Variants in BLTP1 observed in about 807,000 individuals in gnomAD.
BLTP1 encodes the protein bridge-like lipid transfer protein family member 1.
At chr4:122,212,372 T>C in the BLTP1 span, among the ~76,000 whole-genome samples, 1 of 152,188 alleles carries the variant, frequency 6.6e-6, no homozygotes, top group Non-Finnish European at 1.5e-5. Flanking sequence ...ATGTCAAATA[T>C]GTCTCCCAAT....
chr4:122,302,420 T>G, the BLTP1 span, among the ~76,000 whole-genome samples: 1 of 152,234 alleles, frequency 6.6e-6, no homozygotes, highest in South Asian at 2.1e-4. Context: ...ATTTTACTAA[T>G]TCTCACAATA....
chr4:122,163,854 G>A, the BLTP1 span, among the ~76,000 whole-genome samples: 5 of 152,256 alleles, frequency 3.3e-5, no homozygotes, highest in South Asian at 2.1e-4. Flanking sequence ...GTCTGAAGCA[G>A]CATCTTTTGA....
the BLTP1 span, among the ~76,000 whole-genome samples, chr4:122,161,750 A>T: frequency 6.6e-6 from 1 of 152,196 alleles, no homozygotes; most frequent in Non-Finnish European, 1.5e-5. Flanking sequence ...CTTAAGGGTA[A>T]AAAAGATCAT....
chr4:122,239,616 T>C, the BLTP1 span: 1 of 1,614,106 alleles, frequency 6.2e-7, no homozygotes. Context: ...ACGACAAGCC[T>C]CTGTCTGTTC....
At chr4:122,249,466 T>C in the BLTP1 span, 632 of 1,607,086 alleles carry the variant, frequency 3.9e-4, no homozygotes, top group Admixed American at 5.2e-4. Flanking sequence ...ATGGTCATTT[T>C]GCTCTCTTTT....
chr4:122,157,039 A>G, the BLTP1 span, among the ~76,000 whole-genome samples: 1 of 151,630 alleles, frequency 6.6e-6, no homozygotes, highest in African/African-American at 2.4e-5. Flanking sequence ...GGCATTGCTG[A>G]CTCCTGATCT....
chr4:122,356,927 A>G, the BLTP1 span: 1 of 985,048 alleles, frequency 1.0e-6, no homozygotes, highest in Non-Finnish European at 1.2e-6. Context: ...TACTTGCTAT[A>G]TATACAGCAC....
At chr4:122,187,577 A>G in the BLTP1 span, 1 of 1,478,286 alleles carries the variant, frequency 6.8e-7, no homozygotes, top group Non-Finnish European at 9.1e-7. Context: ...AATTTTTGCA[A>G]ATATGATTTT....
the BLTP1 span, chr4:122,316,891 A>T: frequency 4.2e-6 from 6 of 1,424,242 alleles, no homozygotes; most frequent in Non-Finnish European, 5.8e-6. Context: ...AATTTAATAT[A>T]ATGTTCCCTA....
the BLTP1 span, chr4:122,179,776 A>G: frequency 1.8e-5 from 16 of 886,528 alleles, no homozygotes; most frequent in Non-Finnish European, 2.0e-5. Flanking sequence ...ACATGCACAC[A>G]CACTCACACA....
At chr4:122,189,111 G>C in the BLTP1 span, 4 of 948,622 alleles carry the variant, frequency 4.2e-6, 1 homozygote, top group South Asian at 1.9e-4. Context: ...TAGAGAGTAA[G>C]ATGAAAAAGT....
the BLTP1 span, among the ~76,000 whole-genome samples, chr4:122,296,790 A>G: frequency 5.3e-5 from 8 of 152,218 alleles, no homozygotes; most frequent in African/African-American, 1.9e-4. Context: ...GATCTTTGAC[A>G]AACTTGACAA....
chr4:122,231,982 G>C, the BLTP1 span: 2 of 850,166 alleles, frequency 2.4e-6, no homozygotes, highest in African/African-American at 3.7e-5. Flanking sequence ...GGATTTCTTT[G>C]TTATATGTTG....
the BLTP1 span, chr4:122,230,040 A>C: frequency 6.2e-7 from 1 of 1,614,124 alleles, no homozygotes; most frequent in Non-Finnish European, 8.5e-7. Flanking sequence ...GAGCAATTAA[A>C]TAATTGCAGA....
chr4:122,183,437 A>G, the BLTP1 span: 3 of 983,768 alleles, frequency 3.0e-6, no homozygotes, highest in South Asian at 4.7e-5. Flanking sequence ...TAAAGTGGTC[A>G]GTGTCATTAG....
At chr4:122,235,382 C>T in the BLTP1 span, 1 of 983,974 alleles carries the variant, frequency 1.0e-6, no homozygotes, top group South Asian at 4.7e-5. Flanking sequence ...CACCAGCTTG[C>T]TTTTATAGGA....
chr4:122,334,506 A>G, the BLTP1 span: 1 of 1,612,748 alleles, frequency 6.2e-7, no homozygotes, highest in Non-Finnish European at 8.5e-7. Context: ...GAGCAAGACT[A>G]ACACCTTACT....
chr4:122,341,986 G>A, the BLTP1 span, among the ~76,000 whole-genome samples: 4 of 152,214 alleles, frequency 2.6e-5, no homozygotes, highest in African/African-American at 9.6e-5. Context: ...CCATTGTTAA[G>A]TGTGGAGACT....
At chr4:122,210,538 G>A in the BLTP1 span, among the ~76,000 whole-genome samples, 1 of 152,026 alleles carries the variant, frequency 6.6e-6, no homozygotes, top group Non-Finnish European at 1.5e-5. Context: ...CTATTTATAT[G>A]AAAAAATTTT....
Sources: gnomAD v4.1 joint callset for allele counts (sites outside exome capture counted in the v4.1 genomes callset) on GRCh38, gnomAD v4.1.1 for gene constraint, MANE v1.5 for transcripts, NCBI Gene and HGNC (gene_info 2026-07-23, HGNC 2026-07-21) for gene names.